TNR: variants seen among roughly 807,000 people sequenced by gnomAD.
The protein encoded by TNR is tenascin R.
TNR carries 45 observed loss-of-function variants against 150.4 expected under a neutral mutation model. That is an observed-to-expected ratio of 0.30 (90% CI 0.24 to 0.38). The LOEUF is 0.38. TNR is among the 10% of genes least tolerant of loss of function. The probability of loss-of-function intolerance (pLI) is 1.00; values close to 1 mark genes in which losing one functional copy is unlikely to be tolerated. For synonymous variants in TNR, 687 were observed against 678.4 expected (o/e 1.01, Z -0.20); for missense variants, 1,544 against 1,759.1 (o/e 0.88, Z 2.19).
intron 1 of TNR, among the ~76,000 whole-genome samples, chr1:175,641,025 G>T: frequency 6.6e-6 from 1 of 151,994 alleles, no homozygotes; most frequent in East Asian, 1.9e-4. Flanking sequence ...TCTCACTTTA[G>T]TCATTGTGAC....
At chr1:175,359,196 AGTGCAAT>A (rs1414245025) in intron 15 of TNR, among the ~76,000 whole-genome samples, 2 of 115,372 alleles carry the variant, frequency 1.7e-5, no homozygotes, top group African/African-American at 6.7e-5. Context: ...CCCAGGCTGG[AGTGCAAT>A]GGCGTGATCT....
intron 9 of TNR, among the ~76,000 whole-genome samples, chr1:175,370,101 C>T (rs532291003): frequency 6.6e-6 from 1 of 152,246 alleles, no homozygotes; most frequent in Admixed American, 6.5e-5. Context: ...GTTTGACAGA[C>T]TTTGACGTCT....
chr1:175,696,757 T>C (rs1666539335), intron 1 of TNR, among the ~76,000 whole-genome samples: 1 of 151,844 alleles, frequency 6.6e-6, no homozygotes, highest in African/African-American at 2.4e-5. Context: ...CACATGCCTG[T>C]AATCCCAGCT....
chr1:175,737,666 G>T (rs902227361), intron 1 of TNR, among the ~76,000 whole-genome samples: 3 of 152,130 alleles, frequency 2.0e-5, no homozygotes, highest in African/African-American at 7.2e-5. Flanking sequence ...GACACATCCA[G>T]ATTTAAATAA....
intron 1 of TNR, among the ~76,000 whole-genome samples, chr1:175,644,402 G>A (rs541345928): frequency 2.0e-5 from 3 of 152,330 alleles, no homozygotes; most frequent in Admixed American, 2.0e-4. Context: ...GATTATGGCT[G>A]TGGGCAGAAA....
intron 2 of TNR, among the ~76,000 whole-genome samples, chr1:175,475,448 C>G (rs1168426322): frequency 6.6e-6 from 1 of 152,162 alleles, no homozygotes; most frequent in Non-Finnish European, 1.5e-5. Context: ...GGAATACAAT[C>G]AAGCCCTTTG....
intron 20 of TNR, among the ~76,000 whole-genome samples, chr1:175,334,037 C>A (rs1261539767): frequency 2.0e-5 from 3 of 152,098 alleles, no homozygotes; most frequent in African/African-American, 7.2e-5. Context: ...TGAGAGAGGG[C>A]CTGTACTTTG....
At chr1:175,506,538 G>C (rs867416427) in intron 2 of TNR, among the ~76,000 whole-genome samples, 11 of 152,200 alleles carry the variant, frequency 7.2e-5, no homozygotes, top group African/African-American at 2.7e-4. Context: ...AAGAAGAGGT[G>C]ACTGGAGCAC....
intron 1 of TNR, among the ~76,000 whole-genome samples, chr1:175,658,093 A>G (rs993260981): frequency 2.0e-5 from 3 of 151,406 alleles, no homozygotes; most frequent in African/African-American, 7.3e-5. Flanking sequence ...CAGCTCCAGG[A>G]CTCTTACTCT....
intron 2 of TNR, among the ~76,000 whole-genome samples, chr1:175,407,109 A>G (rs1251458491): frequency 6.6e-6 from 1 of 152,186 alleles, no homozygotes; most frequent in Non-Finnish European, 1.5e-5. Context: ...TGTTCCTCTG[A>G]GGAGAACTCA....
At chr1:175,725,985 A>G (rs1382300483) in intron 1 of TNR, among the ~76,000 whole-genome samples, 1 of 152,240 alleles carries the variant, frequency 6.6e-6, no homozygotes, top group Non-Finnish European at 1.5e-5. Flanking sequence ...GGTGCCAAGT[A>G]CATAAAAACT....
At chr1:175,444,292 G>A (rs886209722) in intron 2 of TNR, among the ~76,000 whole-genome samples, 1 of 152,158 alleles carries the variant, frequency 6.6e-6, no homozygotes, top group African/African-American at 2.4e-5. Flanking sequence ...TCTTGATTTC[G>A]TGACCGAGAA....
At chr1:175,481,300 T>C (rs773241162) in intron 2 of TNR, among the ~76,000 whole-genome samples, 32 of 152,352 alleles carry the variant, frequency 2.1e-4, no homozygotes, top group Non-Finnish European at 3.7e-4. Flanking sequence ...GGTAATACTA[T>C]GTCTGGTCGG....
At chr1:175,382,332 A>G (rs1652718447) in intron 8 of TNR, among the ~76,000 whole-genome samples, 1 of 152,158 alleles carries the variant, frequency 6.6e-6, no homozygotes, top group Admixed American at 6.5e-5. Context: ...AGCATTGAGA[A>G]TGCTTGGGGT....
intron 1 of TNR, among the ~76,000 whole-genome samples, chr1:175,636,609 C>T (rs1664498794): frequency 6.6e-6 from 1 of 152,162 alleles, no homozygotes; most frequent in Admixed American, 6.5e-5. Flanking sequence ...GACAGAACTC[C>T]CAGAGAATGA....
chr1:175,391,132 T>A lies in TNR; in HGVS notation c.1507+156A>T, dbSNP rs1653146132. On this transcript the variant is annotated intron_variant, in intron 7 of 22. Transcript: ENST00000367674. ...AATAGGGAAGATGATGAGCTAAGCA[T>A]CTGGTAGAGTAGCTCCATTGCCAGG... 1.3e-5 allele frequency among the ~76,000 whole-genome samples: 2 copies of A among 152,232 alleles called. 1 individual carries two copies. The highest frequency in any genetic ancestry group is 4.1e-4 in the South Asian group (2 of 4,826).
intron 1 of TNR, among the ~76,000 whole-genome samples, chr1:175,585,411 G>A (rs1393497583): frequency 6.6e-6 from 1 of 152,188 alleles, no homozygotes; most frequent in African/African-American, 2.4e-5. Flanking sequence ...TGTGCCAAGA[G>A]TATTGCAAAA....
intron 2 of TNR, among the ~76,000 whole-genome samples, chr1:175,476,130 C>A (rs966857057): frequency 1.3e-5 from 2 of 152,130 alleles, no homozygotes; most frequent in African/African-American, 4.8e-5. Context: ...GTTCTTGCTC[C>A]ACTCCACCCT....
intron 2 of TNR, among the ~76,000 whole-genome samples, chr1:175,435,500 G>T (rs1655464654): frequency 6.6e-6 from 1 of 152,184 alleles, no homozygotes; most frequent in Admixed American, 6.5e-5. Flanking sequence ...ATAGCGATTA[G>T]AATTCCAGGA....
Sources: allele counts gnomAD v4.1 joint callset (sites outside exome capture counted in the v4.1 genomes callset), GRCh38; gene constraint gnomAD v4.1.1; transcripts MANE v1.5; gene names NCBI Gene and HGNC (gene_info 2026-07-23, HGNC 2026-07-21).